The following EYS variants were observed in gnomAD, a reference collection of about 807,000 sequenced individuals.
EYS encodes the protein protein eyes shut homolog.
In EYS, 250 loss-of-function variants were observed where a neutral mutation model predicts 282.1. The observed-to-expected ratio is 0.89, with a 90% CI of 0.80 to 0.98. The LOEUF is 0.98. EYS is among the 50% of genes least tolerant of loss of function. The pLI is 0.00. For missense variants in EYS, 4,016 were observed against 3,709.0 expected (o/e 1.08, Z -2.15); for synonymous variants, 1,355 against 1,282.9 (o/e 1.06, Z -1.20).
chr6:63,885,795 C>A (rs1562078818), intron 35 of EYS, among the ~76,000 whole-genome samples: 1 of 152,070 alleles, frequency 6.6e-6, no homozygotes, highest in Non-Finnish European at 1.5e-5. Context: ...AAGAACTTGA[C>A]CCAATTCGGG....
At chr6:64,446,289 A>C (rs1421030936) in intron 26 of EYS, among the ~76,000 whole-genome samples, 3 of 152,232 alleles carry the variant, frequency 2.0e-5, no homozygotes, top group Non-Finnish European at 4.4e-5. Flanking sequence ...GCTGTGTAAG[A>C]GAAAAATCAG....
chr6:64,512,752 A>G (rs540582836), intron 26 of EYS, among the ~76,000 whole-genome samples: 3 of 152,142 alleles, frequency 2.0e-5, no homozygotes, highest in Non-Finnish European at 4.4e-5. Flanking sequence ...TAGTAAACAC[A>G]GAAGTAAGGA....
chr6:65,665,911 C>A (rs16880423), intron 1 of EYS, among the ~76,000 whole-genome samples: 2 of 151,800 alleles, frequency 1.3e-5, no homozygotes, highest in African/African-American at 2.4e-5. Flanking sequence ...TATACACTCC[C>A]AGTTATTTGT....
intron 22 of EYS, among the ~76,000 whole-genome samples, chr6:64,670,188 A>G (rs1001057878): frequency 7.9e-5 from 12 of 152,012 alleles, no homozygotes; most frequent in Admixed American, 1.3e-4. Flanking sequence ...AAGAAAGTCT[A>G]TTTTTCCTTA....
chr6:63,994,596 C>T (rs900434272), intron 34 of EYS, among the ~76,000 whole-genome samples: 1 of 151,882 alleles, frequency 6.6e-6, no homozygotes, highest in African/African-American at 2.4e-5. Flanking sequence ...AAGACAAATT[C>T]ACATTCTAAG....
chr6:64,047,300 G>A (rs1189148286), intron 33 of EYS, among the ~76,000 whole-genome samples: 1 of 151,954 alleles, frequency 6.6e-6, no homozygotes, highest in East Asian at 1.9e-4. Flanking sequence ...TGATCTGTAG[G>A]CAAAGAGAGA....
intron 12 of EYS, among the ~76,000 whole-genome samples, chr6:65,291,670 G>A (rs1346395475): frequency 6.6e-6 from 1 of 151,526 alleles, no homozygotes; most frequent in Non-Finnish European, 1.5e-5. Flanking sequence ...GTCATCTCTG[G>A]GAATTTAGGG....
In EYS at chr6:64,209,042, T is replaced by C. The variant is rs116010018; in HGVS notation, c.6424+21550A>G. On this transcript the variant is annotated intron_variant, in intron 31 of 42. Transcript: ENST00000503581. Reference sequence around the variant, plus strand: ...TACTATATATATTTTGCATTGACATTTCAGCATTAAGGGAATATTTTTACT... The same window carrying C: ...TACTATATATATTTTGCATTGACATCTCAGCATTAAGGGAATATTTTTACT... Among the ~76,000 whole-genome samples, 1,386 of 152,254 alleles carry C rather than the reference T, an allele frequency of 9.1e-3. 18 individuals are homozygous for C. The highest frequency in any genetic ancestry group is 0.031 in the African/African-American group (1,298 of 41,568).
intron 26 of EYS, among the ~76,000 whole-genome samples, chr6:64,486,385 G>A (rs1156726597): frequency 1.3e-5 from 2 of 151,396 alleles, no homozygotes; most frequent in African/African-American, 2.4e-5. Context: ...CAACAGCTAT[G>A]ATGCACCAAC....
At chr6:64,022,462 G>A (rs1769238140) in intron 33 of EYS, among the ~76,000 whole-genome samples, 1 of 152,178 alleles carries the variant, frequency 6.6e-6, no homozygotes, top group African/African-American at 2.4e-5. Flanking sequence ...TTGGCATTAA[G>A]TACTTTTATA....
intron 31 of EYS, among the ~76,000 whole-genome samples, chr6:64,203,729 C>G (rs944497359): frequency 1.3e-5 from 2 of 152,090 alleles, no homozygotes; most frequent in Non-Finnish European, 2.9e-5. Flanking sequence ...AATTACAGAA[C>G]TATACCAATA....
chr6:65,352,913 T>C (rs1764341560), intron 9 of EYS, among the ~76,000 whole-genome samples: 1 of 151,988 alleles, frequency 6.6e-6, no homozygotes, highest in African/African-American at 2.4e-5. Context: ...TCTAATATAA[T>C]GTTTTTACAA....
At chr6:64,988,369 A>G (rs1245300942) in intron 14 of EYS, among the ~76,000 whole-genome samples, 1 of 150,682 alleles carries the variant, frequency 6.6e-6, no homozygotes, top group Non-Finnish European at 1.5e-5. Flanking sequence ...ATCATGTCAA[A>G]CAAATGCTAT....
At chr6:64,194,287 C>T (rs1037833349) in intron 31 of EYS, among the ~76,000 whole-genome samples, 1 of 72,944 alleles carries the variant, frequency 1.4e-5, no homozygotes, top group African/African-American at 4.8e-5. Context: ...TTAATTATTA[C>T]CTTTTAATTT....
intron 26 of EYS, among the ~76,000 whole-genome samples, chr6:64,497,835 A>T (rs914729645): frequency 3.9e-5 from 6 of 152,166 alleles, no homozygotes; most frequent in Admixed American, 1.3e-4. Context: ...AAAGGAAGGA[A>T]GAAGAAAGAT....
At chr6:64,634,126 G>A (rs1326218565) in intron 22 of EYS, among the ~76,000 whole-genome samples, 1 of 152,134 alleles carries the variant, frequency 6.6e-6, no homozygotes, top group Non-Finnish European at 1.5e-5. Flanking sequence ...TGGGACTACA[G>A]GTGTGCGCCA....
intron 12 of EYS, among the ~76,000 whole-genome samples, chr6:65,151,636 T>C (rs1473793704): frequency 6.6e-6 from 1 of 152,018 alleles, no homozygotes; most frequent in East Asian, 1.9e-4. Context: ...TAGATAGTAA[T>C]GTTCTATAGC....
intron 30 of EYS, among the ~76,000 whole-genome samples, chr6:64,233,305 ATAAT>A (rs976537534): frequency 2.6e-5 from 4 of 152,208 alleles, no homozygotes; most frequent in African/African-American, 9.7e-5. Context: ...CTGATATATG[ATAAT>A]TAATAGTCTT....
intron 8 of EYS, among the ~76,000 whole-genome samples, chr6:65,378,676 A>T (rs941719707): frequency 6.6e-6 from 1 of 152,098 alleles, no homozygotes; most frequent in Admixed American, 6.6e-5. Flanking sequence ...AAATGTGGCA[A>T]ATATACACCA....
Sources: allele counts gnomAD v4.1 joint callset (sites outside exome capture counted in the v4.1 genomes callset), GRCh38; gene constraint gnomAD v4.1.1; transcripts MANE v1.5; gene names NCBI Gene and HGNC (gene_info 2026-07-23, HGNC 2026-07-21).